The following ARFIP1 variants were observed in gnomAD, a reference collection of about 807,000 sequenced individuals.
The protein encoded by ARFIP1 is arfaptin-1.
In ARFIP1, 24 loss-of-function variants were observed where a neutral mutation model predicts 42.5. The observed-to-expected ratio is 0.57, with a 90% CI of 0.41 to 0.80. The LOEUF is 0.80. ARFIP1 is among the 30% of genes least tolerant of loss of function. The pLI is 0.00. For missense variants in ARFIP1, 354 were observed against 434.0 expected (o/e 0.82, Z 1.64); for synonymous variants, 141 against 153.7 (o/e 0.92, Z 0.61).
chr4:152,863,809 C>G (rs913648978), intron 3 of ARFIP1, 95 bp downstream of exon 3: 1 of 716,198 alleles, frequency 1.4e-6, no homozygotes, highest in African/African-American at 1.8e-5. Context: ...GAATGGAGCC[C>G]TTTCATTCTG....
chr4:152,894,267 C>T (rs933839985), intron 8 of ARFIP1, among the ~76,000 whole-genome samples: 3 of 149,350 alleles, frequency 2.0e-5, no homozygotes, highest in Non-Finnish European at 3.0e-5. Context: ...TGTAAAAATA[C>T]ACTAAAGGTT....
chr4:152,902,167 A>G (rs766005256), intron 8 of ARFIP1, among the ~76,000 whole-genome samples: 33 of 152,166 alleles, frequency 2.2e-4, no homozygotes, highest in Non-Finnish European at 4.1e-4. Flanking sequence ...TAACTTTCTG[A>G]GTTTTCTTTA....
chr4:152,885,191 C>T (rs1167821985), intron 7 of ARFIP1, among the ~76,000 whole-genome samples: 1 of 152,084 alleles, frequency 6.6e-6, no homozygotes, highest in Non-Finnish European at 1.5e-5. Flanking sequence ...TTTTCAGTAG[C>T]TGAATTTCCT....
intron 2 of ARFIP1, among the ~76,000 whole-genome samples, chr4:152,851,520 C>A (rs1472714603): frequency 6.6e-6 from 1 of 152,140 alleles, no homozygotes; most frequent in Non-Finnish European, 1.5e-5. Context: ...GATAGTAGAT[C>A]CTGCAAAACC....
chr4:152,901,230 A>C (rs1737804875), intron 8 of ARFIP1, among the ~76,000 whole-genome samples: 1 of 152,226 alleles, frequency 6.6e-6, no homozygotes, highest in Non-Finnish European at 1.5e-5. Flanking sequence ...TGGACAAGGT[A>C]ATGCTTATCA....
chr4:152,863,997 GATT>G (rs1734110362), intron 3 of ARFIP1, among the ~76,000 whole-genome samples: 1 of 152,100 alleles, frequency 6.6e-6, no homozygotes, highest in East Asian at 1.9e-4. Context: ...TGTAGATGTA[GATT>G]ATTTTAACTT....
At chr4:152,858,905 C>T (rs192348190) in intron 2 of ARFIP1, among the ~76,000 whole-genome samples, 2 of 152,050 alleles carry the variant, frequency 1.3e-5, no homozygotes, top group African/African-American at 2.4e-5. Flanking sequence ...AAGGAGCAAG[C>T]GCTGTAAATC....
chr4:152,838,651 A>C (rs1731839972), intron 2 of ARFIP1, among the ~76,000 whole-genome samples: 2 of 152,122 alleles, frequency 1.3e-5, no homozygotes, highest in Non-Finnish European at 2.9e-5. Flanking sequence ...ACTTTGCTGA[A>C]TCCTTTGATC....
At chr4:152,780,674 C>T (rs1042771469) in intron 1 of ARFIP1, among the ~76,000 whole-genome samples, 1 of 152,184 alleles carries the variant, frequency 6.6e-6, no homozygotes, top group South Asian at 2.1e-4. Context: ...CTGAGAGATT[C>T]ATCTGGCAGT....
At chr4:152,864,722 C>T (rs1734176444) in intron 3 of ARFIP1, among the ~76,000 whole-genome samples, 1 of 152,154 alleles carries the variant, frequency 6.6e-6, no homozygotes. Flanking sequence ...CACAGTGAGG[C>T]ACTCGTAATC....
chr4:152,796,605 A>T, intron 1 of ARFIP1: 1 of 882,084 alleles, frequency 1.1e-6, no homozygotes, highest in Non-Finnish European at 1.9e-6. Flanking sequence ...GAATCTTTTC[A>T]TCATTCTTTT....
intron 8 of ARFIP1, among the ~76,000 whole-genome samples, chr4:152,904,615 T>C (rs962117933): frequency 3.9e-5 from 6 of 152,190 alleles, no homozygotes; most frequent in Non-Finnish European, 7.4e-5. Flanking sequence ...GTTCTCATTG[T>C]TCAGCTCCCA....
At chr4:152,832,619 T>C (rs983024634) in intron 2 of ARFIP1, among the ~76,000 whole-genome samples, 27 of 152,362 alleles carry the variant, frequency 1.8e-4, no homozygotes, top group African/African-American at 5.3e-4. Flanking sequence ...CCTTCTGTAG[T>C]AATTTTTATG....
At chr4:152,840,669 A>T (rs1257690508) in intron 2 of ARFIP1, among the ~76,000 whole-genome samples, 2 of 150,336 alleles carry the variant, frequency 1.3e-5, no homozygotes, top group Non-Finnish European at 3.0e-5. Context: ...TGAAGGCAGC[A>T]GATGGTTGGT....
intron 2 of ARFIP1, among the ~76,000 whole-genome samples, chr4:152,848,382 TTC>T (rs1007919481): frequency 2.0e-5 from 3 of 152,228 alleles, no homozygotes; most frequent in African/African-American, 7.2e-5. Context: ...ATTTTTAGAC[TTC>T]TCTGAAAAAC....
chr4:152,815,017 C>G (rs1410908343), intron 1 of ARFIP1, among the ~76,000 whole-genome samples: 1 of 152,178 alleles, frequency 6.6e-6, no homozygotes, highest in East Asian at 1.9e-4. Context: ...GTCTCAGAAG[C>G]AGGAACCTGT....
intron 5 of ARFIP1, among the ~76,000 whole-genome samples, chr4:152,876,955 C>T (rs1191147692): frequency 6.6e-6 from 1 of 152,196 alleles, no homozygotes; most frequent in Non-Finnish European, 1.5e-5. Context: ...TTGGGAACCT[C>T]TGCCTAGATT....
intron 1 of ARFIP1, among the ~76,000 whole-genome samples, chr4:152,824,639 A>C (rs550189792): frequency 5.1e-4 from 77 of 152,342 alleles, no homozygotes; most frequent in Non-Finnish European, 9.6e-4. Flanking sequence ...CAAGGGAAGC[A>C]TGCCCGCTTT....
chr4:152,818,247 A>G (rs1369243752), intron 1 of ARFIP1, among the ~76,000 whole-genome samples: 1 of 152,222 alleles, frequency 6.6e-6, no homozygotes, highest in African/African-American at 2.4e-5. Context: ...GCAGTAGCCT[A>G]CACCATGAAC....
Sources: allele counts gnomAD v4.1 joint callset (sites outside exome capture counted in the v4.1 genomes callset), GRCh38; gene constraint gnomAD v4.1.1; transcripts MANE v1.5; gene names NCBI Gene and HGNC (gene_info 2026-07-23, HGNC 2026-07-21).